Variants in PPFIA2 observed in about 807,000 individuals in gnomAD.
PPFIA2 encodes liprin-alpha-2.
Under a neutral mutation model 175.5 loss-of-function variants are expected in PPFIA2, and 46 were observed. The ratio of observed to expected loss-of-function variants is 0.26; its 90% CI spans 0.21 to 0.34. The LOEUF is 0.34. Among genes scored for constraint, PPFIA2 ranks in the 10% least tolerant of loss-of-function variants. PPFIA2 has a pLI of 1.00. For missense variants in PPFIA2, 1,179 were observed against 1,506.1 expected (o/e 0.78, Z 3.60); for synonymous variants, 568 against 511.4 (o/e 1.11, Z -1.49).
At chr12:81,745,265 C>T (rs1008668786) in intron 3 of PPFIA2, among the ~76,000 whole-genome samples, 2 of 152,154 alleles carry the variant, frequency 1.3e-5, no homozygotes, top group South Asian at 4.1e-4. Context: ...TCTCCCCTTA[C>T]ACTTGGTTCA....
chr12:81,754,871 T>C (rs2084395261), intron 2 of PPFIA2, among the ~76,000 whole-genome samples: 1 of 152,218 alleles, frequency 6.6e-6, no homozygotes, highest in African/African-American at 2.4e-5. Context: ...TACTTTTATA[T>C]GCTCTCTCCC....
chr12:81,622,710 A>G (rs1172816779), intron 4 of PPFIA2, among the ~76,000 whole-genome samples: 1 of 152,172 alleles, frequency 6.6e-6, no homozygotes, highest in Non-Finnish European at 1.5e-5. Flanking sequence ...GAGAAGGTTT[A>G]CATAGTATTC....
intron 4 of PPFIA2, among the ~76,000 whole-genome samples, chr12:81,644,329 G>T (rs1308281681): frequency 6.6e-6 from 1 of 151,982 alleles, no homozygotes; most frequent in Non-Finnish European, 1.5e-5. Flanking sequence ...CTGGTTATAT[G>T]TAAGTTGGTG....
chr12:81,757,825 G>A (rs896919349), intron 2 of PPFIA2, among the ~76,000 whole-genome samples: 6 of 152,002 alleles, frequency 3.9e-5, no homozygotes, highest in Non-Finnish European at 2.9e-5. Context: ...CATATCACTA[G>A]GAATTCGGCC....
intron 4 of PPFIA2, among the ~76,000 whole-genome samples, chr12:81,579,864 C>A (rs1272944446): frequency 6.6e-6 from 1 of 151,698 alleles, no homozygotes; most frequent in Non-Finnish European, 1.5e-5. Context: ...ATTAAAAATG[C>A]TAATTCATTT....
chr12:81,422,055 T>C (rs933064901), intron 7 of PPFIA2, among the ~76,000 whole-genome samples: 4 of 150,078 alleles, frequency 2.7e-5, no homozygotes, highest in South Asian at 4.2e-4. Flanking sequence ...TATATATACA[T>C]ATATATATAC....
intron 8 of PPFIA2, among the ~76,000 whole-genome samples, chr12:81,400,377 G>T (rs1044184466): frequency 3.3e-5 from 5 of 152,004 alleles, no homozygotes; most frequent in African/African-American, 1.2e-4. Context: ...TTTGATAAAG[G>T]CACATCCCGT....
intron 7 of PPFIA2, among the ~76,000 whole-genome samples, chr12:81,428,019 A>G (rs2047450400): frequency 6.6e-6 from 1 of 151,968 alleles, no homozygotes; most frequent in African/African-American, 2.4e-5. Flanking sequence ...AAAGTTCAAT[A>G]TTTCATCTAA....
chr12:81,365,651 G>A (rs1004194826), intron 14 of PPFIA2, among the ~76,000 whole-genome samples: 8 of 151,538 alleles, frequency 5.3e-5, no homozygotes, highest in South Asian at 2.1e-4. Context: ...TCTTTGTGCC[G>A]TTGCAGAGGA....
At position 81,548,752 on chromosome 12, in the gene PPFIA2, T is replaced by G. The variant is rs1015867246; in HGVS notation, c.304-90886A>C. On this transcript the variant is annotated intron_variant, in intron 4 of 32. Transcript: ENST00000549396. ...CACGTAGCCTTCAGAATTTGACATA[T>G]TTCCCAAATTCAATGTAGTGCCAGA... is the stretch of plus-strand genomic sequence containing the variant. Among the ~76,000 whole-genome samples, 97 of 152,240 alleles carry G rather than the reference T, an allele frequency of 6.4e-4. 2 individuals are homozygous for G. Among genetic ancestry groups the G allele is most frequent in the Admixed American group, 9.8e-4 (15 of 15,280 alleles).
At chr12:81,379,009 CTAT>C (rs2037021503) in intron 9 of PPFIA2, among the ~76,000 whole-genome samples, 1 of 152,086 alleles carries the variant, frequency 6.6e-6, no homozygotes, top group Non-Finnish European at 1.5e-5. Context: ...TTATTAATTA[CTAT>C]TATGTACACA....
At chr12:81,369,253 T>C in intron 11 of PPFIA2, 59 bp from the exon 12 acceptor site, 2 of 1,571,780 alleles carry the variant, frequency 1.3e-6, no homozygotes, top group African/African-American at 1.4e-5. Context: ...ACTTTTCCTC[T>C]AAATAAATTG....
intron 4 of PPFIA2, among the ~76,000 whole-genome samples, chr12:81,555,137 A>G (rs961366328): frequency 6.6e-6 from 1 of 152,022 alleles, no homozygotes; most frequent in Non-Finnish European, 1.5e-5. Flanking sequence ...GGTATTCACT[A>G]TATAGATGAG....
chr12:81,676,941 G>A (rs1014107105), intron 3 of PPFIA2, 97 bp from the exon 4 acceptor site: 2 of 785,770 alleles, frequency 2.5e-6, no homozygotes, highest in African/African-American at 3.7e-5. Context: ...TGCAAAGTTA[G>A]GGCATGTCAG....
At chr12:81,347,467 T>C (rs1459976392) in intron 18 of PPFIA2, 66 bp downstream of exon 18, 31 of 1,352,834 alleles carry the variant, frequency 2.3e-5, no homozygotes, top group Non-Finnish European at 3.3e-5. Flanking sequence ...AACACCCAGT[T>C]AAGTTTTAGC....
At chr12:81,661,537 A>G (rs973023394) in intron 4 of PPFIA2, among the ~76,000 whole-genome samples, 10 of 152,240 alleles carry the variant, frequency 6.6e-5, no homozygotes, top group Admixed American at 5.2e-4. Context: ...AGGAACACCC[A>G]GATTCATAAA....
chr12:81,608,487 T>C (rs747532174), intron 4 of PPFIA2, among the ~76,000 whole-genome samples: 6 of 152,104 alleles, frequency 3.9e-5, no homozygotes, highest in Non-Finnish European at 7.4e-5. Flanking sequence ...TATGGGTCTT[T>C]TCAGGGTTTC....
chr12:81,473,313 G>A (rs2057022601), intron 4 of PPFIA2, among the ~76,000 whole-genome samples: 1 of 152,094 alleles, frequency 6.6e-6, no homozygotes, highest in South Asian at 2.1e-4. Flanking sequence ...GGAGGCTGAG[G>A]CACAAGAATG....
At chr12:81,356,564 G>A (rs1187192350) in intron 16 of PPFIA2, among the ~76,000 whole-genome samples, 1 of 152,070 alleles carries the variant, frequency 6.6e-6, no homozygotes, top group Admixed American at 6.6e-5. Context: ...TTGGGAGGCT[G>A]AGATGGGAGG....
Sources: gnomAD v4.1 joint callset for allele counts (sites outside exome capture counted in the v4.1 genomes callset) on GRCh38, gnomAD v4.1.1 for gene constraint, MANE v1.5 for transcripts, NCBI Gene and HGNC (gene_info 2026-07-23, HGNC 2026-07-21) for gene names.